ST3GAL5: variants seen among roughly 807,000 people sequenced by gnomAD.
The protein encoded by ST3GAL5 is ST3 beta-galactoside alpha-2,3-sialyltransferase 5.
ST3GAL5 carries 25 observed loss-of-function variants against 46.1 expected under a neutral mutation model. The ratio of observed to expected loss-of-function variants is 0.54; its 90% CI spans 0.40 to 0.76. The LOEUF is 0.76. ST3GAL5 is among the 30% of genes least tolerant of loss of function. The probability of loss-of-function intolerance (pLI) is 0.00; values close to 1 mark genes in which losing one functional copy is unlikely to be tolerated. For synonymous variants in ST3GAL5, 182 were observed against 192.7 expected, an observed-to-expected ratio of 0.94 and a Z score of 0.46; for missense variants, 431 against 521.2, an observed-to-expected ratio of 0.83 and a Z score of 1.69.
intron 3 of ST3GAL5, chr2:85,851,737 T>A: frequency 7.0e-6 from 9 of 1,289,260 alleles, no homozygotes; most frequent in Non-Finnish European, 9.1e-6. Flanking sequence ...GTGACTAGGC[T>A]GTGAGGACTC....
At chr2:85,851,575 A>G (rs770963024) in intron 3 of ST3GAL5, 1 of 1,289,428 alleles carries the variant, frequency 7.8e-7, no homozygotes, top group South Asian at 1.2e-5. Flanking sequence ...GCTTCCTCAG[A>G]GCTTGTCCCA....
intron 3 of ST3GAL5, among the ~76,000 whole-genome samples, chr2:85,858,454 G>A (rs937242833): frequency 6.6e-6 from 1 of 152,172 alleles, no homozygotes; most frequent in Admixed American, 6.5e-5. Context: ...GGGATTACAG[G>A]TGCCTGCCAC....
At chr2:85,848,246 T>A (rs775825046) in intron 3 of ST3GAL5, 42 bp from the exon 4 acceptor site, 35 of 1,613,292 alleles carry the variant, frequency 2.2e-5, no homozygotes, top group Non-Finnish European at 2.9e-5. Context: ...AAAACTCTCC[T>A]GCATTAAAAA....
intron 1 of ST3GAL5, among the ~76,000 whole-genome samples, chr2:85,876,462 C>CT (rs59265377): frequency 0.18 from 19,758 of 111,204 alleles, 2,302 homozygotes; most frequent in South Asian, 0.36. Context: ...TTTCTTTTTC[C>CT]TTTTTTTTTT....
chr2:85,842,503 T>C (rs1278476991), intron 6 of ST3GAL5, among the ~76,000 whole-genome samples: 2 of 152,224 alleles, frequency 1.3e-5, no homozygotes, highest in African/African-American at 4.8e-5. Context: ...GAAGGACATA[T>C]ACATGAGGAA....
At chr2:85,855,740 C>T (rs1364071226) in intron 3 of ST3GAL5, 2 of 152,142 alleles carry the variant, frequency 1.3e-5, no homozygotes, top group Non-Finnish European at 2.9e-5. Flanking sequence ...AGAACTCTTA[C>T]AATTTAAGAA....
chr2:85,852,991 C>G, intron 3 of ST3GAL5: 1 of 1,304,178 alleles, frequency 7.7e-7, no homozygotes, highest in Non-Finnish European at 1.0e-6. Flanking sequence ...TTTAAAGGCA[C>G]GGTGTAGGTC....
At chr2:85,848,391 T>C in intron 3 of ST3GAL5, 187 bp from the exon 4 acceptor site, 4 of 1,543,666 alleles carry the variant, frequency 2.6e-6, no homozygotes, top group Non-Finnish European at 3.5e-6. Flanking sequence ...CCTGGGAGAA[T>C]CACATGACAA....
At chr2:85,865,361 G>GT (rs201034997) in intron 1 of ST3GAL5, among the ~76,000 whole-genome samples, 56 of 149,328 alleles carry the variant, frequency 3.8e-4, no homozygotes, top group African/African-American at 8.8e-4. Flanking sequence ...AGGCATTCAA[G>GT]TTTTTTTTTT....
chr2:85,859,678 C>T (rs895986306), intron 3 of ST3GAL5, among the ~76,000 whole-genome samples: 8 of 152,112 alleles, frequency 5.3e-5, no homozygotes, highest in African/African-American at 1.7e-4. Context: ...TTGTTTATAC[C>T]TGTCTGTACC....
At chr2:85,861,899 G>A (rs746332829) in intron 2 of ST3GAL5, among the ~76,000 whole-genome samples, 21 of 151,794 alleles carry the variant, frequency 1.4e-4, no homozygotes, top group Non-Finnish European at 2.9e-4. Context: ...TTTTTACTAA[G>A]TTCTCCAGTG....
upstream of ST3GAL5, chr2:85,888,995 G>A (rs1227493406): frequency 9.8e-7 from 1 of 1,024,446 alleles, no homozygotes; most frequent in Middle Eastern, 3.8e-4. Context: ...TCAGCTGGGG[G>A]CCGCCGCTCC....
rs1020847257 is a variant in ST3GAL5 at position 85,877,309 on chromosome 2, G to T, written c.82+11515C>A. On this transcript the variant is annotated intron_variant, in intron 1 of 6. Coordinates refer to ENST00000638572, the MANE Select transcript of ST3GAL5 (RefSeq NM_003896.4). Reference sequence around the variant, plus strand: ...GTCATTTTCTTATTTTCTGTTACAGGGTCCAGTCCAGGATCATTTGGCATT... The same window carrying T: ...GTCATTTTCTTATTTTCTGTTACAGTGTCCAGTCCAGGATCATTTGGCATT... Among the ~76,000 whole-genome samples the T allele has an allele frequency of 2.6e-5, 4 of 152,104 alleles. No homozygotes were observed. The East Asian group carries it at 7.7e-4, about 29-fold the overall frequency.
At chr2:85,852,760 CAGG>C in intron 3 of ST3GAL5, 1 of 641,608 alleles carries the variant, frequency 1.6e-6, no homozygotes, top group Non-Finnish European at 2.4e-6. Flanking sequence ...AAAAAATAAT[CAGG>C]AGATCTGGAG....
intron 1 of ST3GAL5, among the ~76,000 whole-genome samples, chr2:85,886,538 T>C (rs1687783954): frequency 6.6e-6 from 1 of 151,846 alleles, no homozygotes; most frequent in Admixed American, 6.5e-5. Context: ...ATCTATGCTA[T>C]ACTTAAAAAA....
chr2:85,847,942 C>T lies in ST3GAL5; in HGVS notation c.581G>A (p.Arg194His), dbSNP rs535561837. The T allele has an allele frequency of 2.3e-5, 37 of 1,614,062 alleles. No individual in the cohort carries two copies. Among genetic ancestry groups the T allele is most frequent in the East Asian group, 2.0e-4 (9 of 44,898 alleles). The change falls in exon 4 of 7, where the codon CGC (arginine) becomes CAC (histidine). Residue 194 changes from arginine to histidine, a missense_variant. Transcript: ENST00000638572. ...TCCTCCGCTTCCAATAACCACACAG[C>T]GCCGACAGGTCTTGGCTTTCAAGTG... ...PEHLKAKTCR[R>H]CVVIGSGGIL...
rs548248487 is a variant in ST3GAL5, at chr2:85,871,938, T to C, written c.83-8453A>G. ...TGGGAAGGCAAGCAGGTGCAGCTTATAGGCTAATATGGCCAGCAGAGCACA... is the reference window on the plus strand; with the variant it reads ...TGGGAAGGCAAGCAGGTGCAGCTTACAGGCTAATATGGCCAGCAGAGCACA... On this transcript the variant is annotated intron_variant, in intron 1 of 6. Transcript: ENST00000638572. Among the ~76,000 whole-genome samples the C allele has an allele frequency of 3.3e-5, 5 of 152,288 alleles. No homozygotes were observed. In the South Asian group the frequency reaches 1.0e-3, roughly 32 times the overall value.
chr2:85,874,236 C>T (rs1013137474), intron 1 of ST3GAL5, among the ~76,000 whole-genome samples: 1 of 152,180 alleles, frequency 6.6e-6, no homozygotes, highest in East Asian at 1.9e-4. Context: ...CATTCAATTG[C>T]CTGCTTTTTA....
chr2:85,882,834 C>CAAAAAAAAAA (rs71377050), intron 1 of ST3GAL5, among the ~76,000 whole-genome samples: 1 of 132,316 alleles, frequency 7.6e-6, no homozygotes, highest in Non-Finnish European at 1.6e-5. Context: ...GACTCTGTCT[C>CAAAAAAAAAA]AAAAAAAAAA....
Sources: gnomAD v4.1 joint callset for allele counts (sites outside exome capture counted in the v4.1 genomes callset) on GRCh38, gnomAD v4.1.1 for gene constraint, MANE v1.5 for transcripts, NCBI Gene and HGNC (gene_info 2026-07-23, HGNC 2026-07-21) for gene names.